Variants in CSMD1 observed in about 807,000 individuals in gnomAD.
The protein encoded by CSMD1 is CUB and Sushi multiple domains 1.
In CSMD1, 213 loss-of-function variants were observed where a neutral mutation model predicts 417.5. That is an observed-to-expected ratio of 0.51 (90% CI 0.46 to 0.57). The LOEUF is 0.57. Among genes scored for constraint, CSMD1 ranks in the 20% least tolerant of loss-of-function variants. The probability of loss-of-function intolerance (pLI) is 0.00; values close to 1 mark genes in which losing one functional copy is unlikely to be tolerated. For synonymous variants in CSMD1, 2,862 were observed against 1,736.8 expected, an observed-to-expected ratio of 1.65 and a Z score of -16.11; for missense variants, 6,923 against 4,529.7, an observed-to-expected ratio of 1.53 and a Z score of -15.17.
At chr8:3,384,596 T>C (rs1266707281) in intron 18 of CSMD1, among the ~76,000 whole-genome samples, 2 of 147,864 alleles carry the variant, frequency 1.4e-5, no homozygotes, top group Non-Finnish European at 3.0e-5. Flanking sequence ...AGCATTTCTT[T>C]TCCAAATTAA....
chr8:3,590,234 G>A (rs900727745), intron 8 of CSMD1, among the ~76,000 whole-genome samples: 3 of 152,080 alleles, frequency 2.0e-5, no homozygotes, highest in Non-Finnish European at 2.9e-5. Context: ...TTGAGCGGTA[G>A]TATCACAAGT....
At chr8:4,265,302 A>C (rs1479559944) in intron 3 of CSMD1, among the ~76,000 whole-genome samples, 1 of 152,076 alleles carries the variant, frequency 6.6e-6, no homozygotes, top group East Asian at 1.9e-4. Flanking sequence ...TGAGATTAAA[A>C]ACATATACGT....
intron 1 of CSMD1, among the ~76,000 whole-genome samples, chr8:4,802,278 CTTCGTGGT>C (rs887375699): frequency 1.2e-4 from 18 of 152,204 alleles, no homozygotes; most frequent in African/African-American, 4.3e-4. Context: ...TCAGCCAAGG[CTTCGTGGT>C]TTCAGGCTCA....
chr8:4,238,076 T>G (rs1802173581), intron 3 of CSMD1, among the ~76,000 whole-genome samples: 1 of 152,130 alleles, frequency 6.6e-6, no homozygotes, highest in Non-Finnish European at 1.5e-5. Flanking sequence ...CTCAAGAGAT[T>G]GTAAACGTTT....
chr8:4,668,641 G>T (rs2130940523), intron 1 of CSMD1, among the ~76,000 whole-genome samples: 1 of 151,696 alleles, frequency 6.6e-6, no homozygotes, highest in South Asian at 2.1e-4. Context: ...TAGTAGAGAT[G>T]GGGTTTCATC....
At chr8:3,541,175 T>C (rs898985586) in intron 10 of CSMD1, among the ~76,000 whole-genome samples, 10 of 152,200 alleles carry the variant, frequency 6.6e-5, no homozygotes, top group Non-Finnish European at 4.4e-5. Flanking sequence ...GTGGTAGATA[T>C]ACACCATGGA....
At chr8:4,850,456 A>C (rs1244472376) in intron 1 of CSMD1, among the ~76,000 whole-genome samples, 1 of 129,106 alleles carries the variant, frequency 7.7e-6, no homozygotes, top group Non-Finnish European at 1.5e-5. Flanking sequence ...TTGATTGCTC[A>C]GGAAGCTTCC....
At chr8:3,791,426 T>C (rs1799734501) in intron 5 of CSMD1, among the ~76,000 whole-genome samples, 1 of 152,240 alleles carries the variant, frequency 6.6e-6, no homozygotes, top group Non-Finnish European at 1.5e-5. Flanking sequence ...CCTCTGTATT[T>C]CTCACAGCAT....
At chr8:4,018,116 C>T (rs1481404663) in intron 4 of CSMD1, among the ~76,000 whole-genome samples, 1 of 152,098 alleles carries the variant, frequency 6.6e-6, no homozygotes, top group Non-Finnish European at 1.5e-5. Context: ...ATAAAGTATC[C>T]TACAAAGTGT....
chr8:4,607,679 C>CT (rs71209109), intron 2 of CSMD1, among the ~76,000 whole-genome samples: 2 of 152,206 alleles, frequency 1.3e-5, no homozygotes, highest in South Asian at 2.1e-4. Context: ...AAATTTCCAC[C>CT]TTTTTTCCAG....
chr8:4,270,047 T>C (rs940937792), intron 3 of CSMD1, among the ~76,000 whole-genome samples: 3 of 152,286 alleles, frequency 2.0e-5, no homozygotes, highest in South Asian at 2.1e-4. Flanking sequence ...TTATGATTAA[T>C]GATGAAATAT....
At chr8:3,362,881 T>A (rs1188908423) in intron 20 of CSMD1, among the ~76,000 whole-genome samples, 1 of 152,224 alleles carries the variant, frequency 6.6e-6, no homozygotes, top group Non-Finnish European at 1.5e-5. Context: ...CTGGGATTAT[T>A]GTGTAACATG....
intron 3 of CSMD1, among the ~76,000 whole-genome samples, chr8:4,046,875 G>C (rs766839615): frequency 1.3e-5 from 2 of 152,124 alleles, no homozygotes; most frequent in African/African-American, 2.4e-5. Flanking sequence ...GCCCCACAGA[G>C]AATGTGACAA....
chr8:4,859,832 C>T (rs1802020845), intron 1 of CSMD1, among the ~76,000 whole-genome samples: 1 of 152,108 alleles, frequency 6.6e-6, no homozygotes, highest in South Asian at 2.1e-4. Flanking sequence ...CTAGTTCAAC[C>T]ATTGTGGAAG....
intron 1 of CSMD1, among the ~76,000 whole-genome samples, chr8:4,988,124 C>A (rs764807522): frequency 9.2e-5 from 14 of 152,140 alleles, no homozygotes; most frequent in Non-Finnish European, 2.1e-4. Flanking sequence ...GGAAGAGACA[C>A]CAACAATTTG....
intron 3 of CSMD1, among the ~76,000 whole-genome samples, chr8:4,410,933 G>C (rs1029781224): frequency 6.6e-6 from 1 of 152,154 alleles, no homozygotes; most frequent in Non-Finnish European, 1.5e-5. Flanking sequence ...CTTCAGACTA[G>C]ATTTGTTCTA....
rs745582210 is a variant in CSMD1, at chr8:3,162,176, G to A, written c.5827C>T (p.Pro1943Ser). 1.7e-5 allele frequency: 28 copies of A among 1,605,622 alleles called. No individual in the cohort carries two copies. The Admixed American group carries it at 3.4e-4, about 19-fold the overall frequency. The change falls in exon 38 of 70, where the codon CCC becomes TCC. Residue 1943 changes from proline (P) to serine (S), a missense_variant. Physicochemically the swap from Pro to Ser is moderately conservative, Grantham distance 74. Transcript: ENST00000635120. ...AAGGATACCTGCAGGGTGTACCCGG[G>A]CTCGCACTGGAAGGAGAGCACGTCG... ...VNDVLSFQCE[P>S]GYTLQGRSHI...
Position 4,766,447 on chromosome 8 carries a change from G to T in CSMD1, c.86-128889C>A, listed in dbSNP as rs1008279787. Among the ~76,000 whole-genome samples the T allele has an allele frequency of 8.5e-5, 13 of 152,270 alleles. 1 individual carries two copies. The South Asian group carries it at 2.7e-3, about 32-fold the overall frequency. ...CTTCGATCACGAATATATACAGAAG[G>T]CTAACGTGCTTTACAAAGAAAAGAA... On this transcript the variant is annotated intron_variant, in intron 1 of 69. Transcript: ENST00000635120.
intron 26 of CSMD1, among the ~76,000 whole-genome samples, chr8:3,249,420 C>T (rs549436540): frequency 1.3e-5 from 2 of 152,228 alleles, no homozygotes; most frequent in Middle Eastern, 6.8e-3. Context: ...GATGGCGTTT[C>T]ACCATGTTGG....
Sources: gnomAD v4.1 joint callset for allele counts (sites outside exome capture counted in the v4.1 genomes callset) on GRCh38, gnomAD v4.1.1 for gene constraint, MANE v1.5 for transcripts, NCBI Gene and HGNC (gene_info 2026-07-23, HGNC 2026-07-21) for gene names.